Variants in SPRY3 observed in about 807,000 individuals in gnomAD.
SPRY3 encodes the protein protein sprouty homolog 3.
A neutral mutation model predicts 20.2 loss-of-function variants in SPRY3; 15 were observed. The ratio of observed to expected loss-of-function variants is 0.74; its 90% CI spans 0.50 to 1.14. SPRY3 has a LOEUF of 1.14. Among genes scored for constraint, SPRY3 ranks in the 50% most tolerant of loss-of-function variants. The pLI is 0.00. For synonymous variants in SPRY3, 143 were observed against 136.5 expected (o/e 1.05, Z -0.33); for missense variants, 364 against 363.9 (o/e 1.00, Z 0.00).
At chrX:155,709,818 C>G (rs1313364087) in intron 2 of SPRY3, among the ~76,000 whole-genome samples, 1 of 151,704 alleles carries the variant, frequency 6.6e-6, no homozygotes, top group Non-Finnish European at 1.5e-5. Context: ...AGTATTTAAT[C>G]CATTTGGATT....
intron 2 of SPRY3, among the ~76,000 whole-genome samples, chrX:155,760,965 C>A (rs4893816): frequency 6.6e-6 from 1 of 152,052 alleles, no homozygotes; most frequent in Non-Finnish European, 1.5e-5. Context: ...GAATTTGTCT[C>A]TAATATTGAA....
At chrX:155,689,291 G>A (rs2068096942) in intron 2 of SPRY3, among the ~76,000 whole-genome samples, 1 of 87,058 alleles carries the variant, frequency 1.1e-5, no homozygotes, top group Admixed American at 1.2e-4. Context: ...TGTATATGGT[G>A]TAAGGAAGGG....
chrX:155,685,196 A>G (rs1191272222), intron 2 of SPRY3, among the ~76,000 whole-genome samples: 1 of 111,215 alleles, frequency 9.0e-6, no homozygotes, highest in African/African-American at 3.3e-5. Context: ...GCACTTTCTT[A>G]TCTCCTTCTT....
intron 2 of SPRY3, among the ~76,000 whole-genome samples, chrX:155,671,502 A>G (rs1429835095): frequency 1.8e-5 from 2 of 111,671 alleles, no homozygotes; most frequent in African/African-American, 3.3e-5. Context: ...AAGTCCTAAT[A>G]ATTATCCAAC....
chrX:155,668,363 A>G (rs781872890), intron 2 of SPRY3, among the ~76,000 whole-genome samples: 1 of 110,825 alleles, frequency 9.0e-6, no homozygotes, highest in East Asian at 2.9e-4. Flanking sequence ...GGCAAATCTA[A>G]TCTATGATAA....
intron 1 of SPRY3, among the ~76,000 whole-genome samples, chrX:155,621,342 C>T (rs1194396145): frequency 1.8e-5 from 2 of 111,522 alleles, no homozygotes; most frequent in African/African-American, 6.5e-5. Flanking sequence ...AGTCATCAAA[C>T]CATATTAATT....
chrX:155,630,011 AG>A (rs1569562397), intron 1 of SPRY3, among the ~76,000 whole-genome samples: 1 of 111,537 alleles, frequency 9.0e-6, no homozygotes, highest in African/African-American at 3.3e-5. Context: ...TCATTCTGTT[AG>A]GCTTACAAAA....
chrX:155,732,104 C>T (rs757585753), intron 2 of SPRY3, among the ~76,000 whole-genome samples: 56 of 151,872 alleles, frequency 3.7e-4, no homozygotes, highest in Admixed American at 2.2e-3. Context: ...AGTTTTTGGC[C>T]GAAGATTCAT....
chrX:155,758,133 G>A (rs3930136), intron 2 of SPRY3, among the ~76,000 whole-genome samples: 1 of 151,886 alleles, frequency 6.6e-6, no homozygotes, highest in Non-Finnish European at 1.5e-5. Flanking sequence ...AGGATGAAAC[G>A]ATTCATTTAT....
chrX:155,684,791 T>C (rs1237485770), intron 2 of SPRY3, among the ~76,000 whole-genome samples: 1 of 111,775 alleles, frequency 8.9e-6, no homozygotes, highest in Non-Finnish European at 1.9e-5. Flanking sequence ...TTAGCAATTC[T>C]CTGAAAGCAG....
At chrX:155,685,403 C>CTTTTTTTTTTTTTTTTGTTTTTTT (rs767255277) in intron 2 of SPRY3, among the ~76,000 whole-genome samples, 1 of 93,255 alleles carries the variant, frequency 1.1e-5, no homozygotes. Flanking sequence ...GTAGGGATTT[C>CTTTTTTTTTTTTTTTTGTTTTTTT]TTTTTTTTTT....
rs758051769 is a variant in SPRY3, at chrX:155,774,591, TA to T, written c.721del (p.Thr241ProfsTer78). 6.2e-7 allele frequency: 1 copy of T among 1,613,986 alleles called. No homozygotes were observed. Among genetic ancestry groups the T allele is most frequent in the East Asian group, 2.2e-5 (1 of 44,882 alleles). ...TACCCTGCCTGTGCTGCTACCTGCCTACCCGTGGATGCCTCCATCTGTGCCA... is the reference window on the plus strand; with the variant it reads ...TACCCTGCCTGTGCTGCTACCTGCCTCCCGTGGATGCCTCCATCTGTGCCA... On this transcript the variant is annotated frameshift_variant, in exon 4 of 4. Coordinates refer to ENST00000675360, the Ensembl canonical transcript of SPRY3. LOFTEE classifies it high-confidence loss of function.
chrX:155,744,526 G>A (rs2091216971), intron 2 of SPRY3, among the ~76,000 whole-genome samples: 1 of 152,048 alleles, frequency 6.6e-6, no homozygotes, highest in Non-Finnish European at 1.5e-5. Flanking sequence ...TTCCAAACGG[G>A]AAGGGACTTT....
chrX:155,778,120 A>G (rs1045703491), downstream of SPRY3: 3 of 167,034 alleles, frequency 1.8e-5, no homozygotes, highest in African/African-American at 4.8e-5. Flanking sequence ...AAAGGTAACA[A>G]TTGTAAATGG....
intron 2 of SPRY3, among the ~76,000 whole-genome samples, chrX:155,728,801 C>T (rs1451951242): frequency 2.0e-5 from 3 of 152,098 alleles, no homozygotes; most frequent in Non-Finnish European, 4.4e-5. Flanking sequence ...CTTTGACTCG[C>T]CCACCGTGGG....
intron 2 of SPRY3, among the ~76,000 whole-genome samples, chrX:155,730,398 A>AT (rs1485677035): frequency 6.6e-6 from 1 of 152,192 alleles, no homozygotes; most frequent in Non-Finnish European, 1.5e-5. Context: ...AGATTGGGCA[A>AT]TATGATACAT....
chrX:155,710,722 G>T (rs1187045060), intron 2 of SPRY3, among the ~76,000 whole-genome samples: 1 of 151,636 alleles, frequency 6.6e-6, no homozygotes, highest in African/African-American at 2.4e-5. Context: ...GCAAAAATAA[G>T]CATCCTTGTC....
chrX:155,746,917 T>A (rs1340213037), intron 2 of SPRY3, among the ~76,000 whole-genome samples: 1 of 151,948 alleles, frequency 6.6e-6, no homozygotes, highest in Non-Finnish European at 1.5e-5. Flanking sequence ...TATGTTTCTA[T>A]TTCTGTCTGT....
chrX:155,719,675 C>A (rs956989280), intron 2 of SPRY3, among the ~76,000 whole-genome samples: 1 of 152,066 alleles, frequency 6.6e-6, no homozygotes, highest in African/African-American at 2.4e-5. Flanking sequence ...TCACAAGACC[C>A]CTTTTCAGGG....
Sources: gnomAD v4.1 joint callset for allele counts (sites outside exome capture counted in the v4.1 genomes callset) on GRCh38, gnomAD v4.1.1 for gene constraint, MANE v1.5 for transcripts, NCBI Gene and HGNC (gene_info 2026-07-23, HGNC 2026-07-21) for gene names.